Variants in BRINP3 observed in about 807,000 individuals in gnomAD.
BRINP3 encodes the protein BMP/retinoic acid inducible neural specific 3.
In BRINP3, 19 loss-of-function variants were observed where a neutral mutation model predicts 71.0. That is an observed-to-expected ratio of 0.27 (90% confidence interval 0.19 to 0.39). The LOEUF is 0.39. Among genes scored for constraint, BRINP3 ranks in the 10% least tolerant of loss-of-function variants. The probability of loss-of-function intolerance (pLI) is 1.00; values close to 1 mark genes in which losing one functional copy is unlikely to be tolerated. For synonymous variants in BRINP3, 380 were observed against 337.7 expected (o/e 1.13, Z -1.37); for missense variants, 959 against 940.8 (o/e 1.02, Z -0.25).
At chr1:190,310,303 A>G (rs1199863833) in intron 2 of BRINP3, among the ~76,000 whole-genome samples, 1 of 151,680 alleles carries the variant, frequency 6.6e-6, no homozygotes, top group Non-Finnish European at 1.5e-5. Context: ...AACAGCTCAT[A>G]TTCATGTTTA....
At chr1:190,102,433 A>C (rs978607953) in intron 7 of BRINP3, among the ~76,000 whole-genome samples, 1 of 152,160 alleles carries the variant, frequency 6.6e-6, no homozygotes, top group Non-Finnish European at 1.5e-5. Context: ...AAAAGAAGCC[A>C]CATTTTATTC....
At chr1:190,216,833 C>A (rs1656458701) in intron 6 of BRINP3, 2 of 151,890 alleles carry the variant, frequency 1.3e-5, no homozygotes, top group Non-Finnish European at 2.9e-5. Context: ...CTCTGACACA[C>A]TTCATGTTGC....
intron 6 of BRINP3, among the ~76,000 whole-genome samples, chr1:190,212,855 G>A (rs1397163796): frequency 2.0e-5 from 3 of 152,112 alleles, no homozygotes; most frequent in Non-Finnish European, 4.4e-5. Context: ...CTAACCTGTG[G>A]TGGGCACGTA....
chr1:190,104,624 G>A (rs779111695), intron 7 of BRINP3, among the ~76,000 whole-genome samples: 1 of 151,702 alleles, frequency 6.6e-6, no homozygotes, highest in African/African-American at 2.4e-5. Context: ...TTAATAACAT[G>A]ATCAAGACTA....
chr1:190,400,126 G>A (rs1298229742), intron 2 of BRINP3, among the ~76,000 whole-genome samples: 7 of 152,076 alleles, frequency 4.6e-5, no homozygotes, highest in African/African-American at 1.7e-4. Context: ...AGATGTGACT[G>A]AAAACACCTG....
At chr1:190,439,392 T>G (rs1481886803) in intron 2 of BRINP3, among the ~76,000 whole-genome samples, 1 of 151,896 alleles carries the variant, frequency 6.6e-6, no homozygotes, top group African/African-American at 2.4e-5. Context: ...TTTGAAGTGT[T>G]AAATAACAAA....
rs1666107628 is a variant in BRINP3 at position 190,319,639 on chromosome 1, A to C, written c.237-37889T>G. ...CCAGCATGTCTTACATGGCCCGAGC[A>C]AGAGCAAGAGATTGAGGGAAGAGGT... On this transcript the variant is annotated intron_variant, in intron 2 of 7. Coordinates refer to ENST00000367462, the MANE Select transcript of BRINP3 (RefSeq NM_199051.3). Among the ~76,000 whole-genome samples the C allele has an allele frequency of 2.0e-5, 3 of 152,216 alleles. 1 individual carries two copies. In the South Asian group the frequency reaches 6.2e-4, roughly 32 times the overall value.
chr1:190,418,890 G>T (rs1339301838), intron 2 of BRINP3, among the ~76,000 whole-genome samples: 1 of 151,832 alleles, frequency 6.6e-6, no homozygotes, highest in Non-Finnish European at 1.5e-5. Flanking sequence ...AATGTACGAT[G>T]GATTTTTATT....
chr1:190,144,664 C>A (rs561730580), intron 7 of BRINP3, among the ~76,000 whole-genome samples: 1 of 152,100 alleles, frequency 6.6e-6, no homozygotes, highest in African/African-American at 2.4e-5. Context: ...TATTTCTAAC[C>A]TTCTAAAGTC....
chr1:190,118,328 A>G (rs764535118), intron 7 of BRINP3, among the ~76,000 whole-genome samples: 7 of 152,048 alleles, frequency 4.6e-5, no homozygotes, highest in Non-Finnish European at 1.0e-4. Flanking sequence ...TTTAATTTTT[A>G]CTCTTAAAAT....
Position 190,263,281 on chromosome 1 carries a change from G to T in BRINP3, c.618+1584C>A, listed in dbSNP as rs376148714. Reference sequence around the variant, plus strand: ...TAACTGAAACATCTGCATTCATGCTGGCTACATTTTTATCTGTACGGCATA... The same window carrying T: ...TAACTGAAACATCTGCATTCATGCTTGCTACATTTTTATCTGTACGGCATA... On this transcript the variant is annotated intron_variant, in intron 4 of 7. Coordinates refer to ENST00000367462, the MANE Select transcript of BRINP3 (RefSeq NM_199051.3). 3.9e-5 allele frequency among the ~76,000 whole-genome samples: 6 copies of T among 152,026 alleles called. No individual in the cohort carries two copies. The East Asian group carries it at 9.6e-4, about 24-fold the overall frequency.
intron 3 of BRINP3, among the ~76,000 whole-genome samples, chr1:190,266,985 CAG>C (rs1661717935): frequency 6.6e-6 from 1 of 152,072 alleles, no homozygotes; most frequent in Non-Finnish European, 1.5e-5. Context: ...GTGCTAGTAA[CAG>C]AAACTTGCAA....
intron 6 of BRINP3, among the ~76,000 whole-genome samples, chr1:190,208,781 C>T (rs1655737034): frequency 6.6e-6 from 1 of 152,106 alleles, no homozygotes; most frequent in Admixed American, 6.6e-5. Flanking sequence ...AGGCATGAGC[C>T]ACCATGCCCA....
intron 7 of BRINP3, among the ~76,000 whole-genome samples, chr1:190,101,589 T>C (rs2102244332): frequency 6.6e-6 from 1 of 152,318 alleles, no homozygotes; most frequent in Non-Finnish European, 1.5e-5. Context: ...TACCTTTCTC[T>C]TTCTCTGTCC....
intron 1 of BRINP3, chr1:190,474,548 T>A (rs1677370815): frequency 6.5e-6 from 1 of 152,708 alleles, no homozygotes. Context: ...TTTGACTAGA[T>A]AGAATATTTT....
At chr1:190,330,573 T>C (rs1349323761) in intron 2 of BRINP3, among the ~76,000 whole-genome samples, 1 of 151,938 alleles carries the variant, frequency 6.6e-6, no homozygotes, top group Non-Finnish European at 1.5e-5. Flanking sequence ...GCAGTTTGGA[T>C]AGTTCTCAAA....
At chr1:190,213,610 T>C (rs575607242) in intron 6 of BRINP3, among the ~76,000 whole-genome samples, 1 of 152,132 alleles carries the variant, frequency 6.6e-6, no homozygotes, top group African/African-American at 2.4e-5. Context: ...TGGTACGTGG[T>C]TGGCTTTCAT....
chr1:190,366,515 C>A (rs1336450223), intron 2 of BRINP3, among the ~76,000 whole-genome samples: 1 of 152,002 alleles, frequency 6.6e-6, no homozygotes, highest in African/African-American at 2.4e-5. Flanking sequence ...CACCTTTGGC[C>A]TCTCCCAAAT....
chr1:190,135,112 T>A (rs1013203200), intron 7 of BRINP3, among the ~76,000 whole-genome samples: 2 of 152,110 alleles, frequency 1.3e-5, no homozygotes, highest in African/African-American at 4.8e-5. Flanking sequence ...GAAACCTAGA[T>A]GAATTCTCCT....
Sources: allele counts gnomAD v4.1 joint callset (sites outside exome capture counted in the v4.1 genomes callset), GRCh38; gene constraint gnomAD v4.1.1; transcripts MANE v1.5; gene names NCBI Gene and HGNC (gene_info 2026-07-23, HGNC 2026-07-21).